Variants in FHOD3 observed in about 807,000 individuals in gnomAD.
The protein encoded by FHOD3 is formin homology 2 domain containing 3.
A neutral mutation model predicts 173.0 loss-of-function variants in FHOD3; 90 were observed. That is an observed-to-expected ratio of 0.52 (90% CI 0.44 to 0.62). FHOD3 has a LOEUF of 0.62. Among genes scored for constraint, FHOD3 ranks in the 20% least tolerant of loss-of-function variants. The probability of loss-of-function intolerance (pLI) is 0.00; values close to 1 mark genes in which losing one functional copy is unlikely to be tolerated. For synonymous variants in FHOD3, 828 were observed against 823.0 expected (o/e 1.01, Z -0.10); for missense variants, 1,945 against 2,034.7 (o/e 0.96, Z 0.85).
chr18:36,619,570 T>A (rs984267758), intron 9 of FHOD3, among the ~76,000 whole-genome samples: 1 of 152,250 alleles, frequency 6.6e-6, no homozygotes, highest in African/African-American at 2.4e-5. Flanking sequence ...CATCGTTTCT[T>A]GCCTGAAGTA....
intron 3 of FHOD3, among the ~76,000 whole-genome samples, chr18:36,452,328 T>C (rs999949499): frequency 1.3e-5 from 2 of 152,228 alleles, no homozygotes; most frequent in Admixed American, 1.3e-4. Flanking sequence ...CTTGGAATTA[T>C]TCATTTGTTG....
At position 36,628,501 on chromosome 18, in the gene FHOD3, A is replaced by G. The variant is rs146642841; in HGVS notation, c.1196+2752A>G. Among the ~76,000 whole-genome samples, 55 of 152,342 alleles carry G rather than the reference A, an allele frequency of 3.6e-4. No individual in the cohort carries two copies. In the East Asian group the frequency reaches 9.8e-3, roughly 27 times the overall value. ...GTCTCCCTGTAGACTTAAGCCAGCT[A>G]TGTGCTTTAATTCTAATAAAGACTA... On this transcript the variant is annotated intron_variant, in intron 10 of 28. Coordinates refer to ENST00000590592, the MANE Select transcript of FHOD3 (RefSeq NM_001281740.3).
intron 5 of FHOD3, among the ~76,000 whole-genome samples, chr18:36,556,114 T>C (rs2057870407): frequency 6.6e-6 from 1 of 152,198 alleles, no homozygotes; most frequent in Non-Finnish European, 1.5e-5. Context: ...TGTTACATTT[T>C]CCTCTTTTTC....
chr18:36,373,289 G>A (rs2047280574), intron 3 of FHOD3, among the ~76,000 whole-genome samples: 1 of 152,108 alleles, frequency 6.6e-6, no homozygotes, highest in Non-Finnish European at 1.5e-5. Context: ...AGAATATAAT[G>A]TCATAAGAAG....
intron 7 of FHOD3, among the ~76,000 whole-genome samples, chr18:36,599,684 T>C (rs1317173900): frequency 6.6e-6 from 1 of 152,186 alleles, no homozygotes; most frequent in East Asian, 1.9e-4. Flanking sequence ...GGGAGAAGTA[T>C]TGAGCAATTG....
At chr18:36,415,469 T>A (rs946126205) in intron 3 of FHOD3, among the ~76,000 whole-genome samples, 23 of 152,202 alleles carry the variant, frequency 1.5e-4, no homozygotes, top group African/African-American at 5.5e-4. Context: ...TGTGACTTCT[T>A]AAAACCTTGT....
chr18:36,541,206 G>A (rs1018483819), intron 5 of FHOD3, among the ~76,000 whole-genome samples: 4 of 132,576 alleles, frequency 3.0e-5, no homozygotes, highest in Non-Finnish European at 4.6e-5. Flanking sequence ...AGCCAAGATC[G>A]CACCACTGCA....
intron 3 of FHOD3, among the ~76,000 whole-genome samples, chr18:36,396,053 T>A (rs1324439274): frequency 1.3e-5 from 2 of 152,230 alleles, no homozygotes; most frequent in Admixed American, 1.3e-4. Flanking sequence ...CCATGTATAA[T>A]ATCCTTGGCC....
intron 5 of FHOD3, among the ~76,000 whole-genome samples, chr18:36,549,909 T>C (rs2057573930): frequency 6.6e-6 from 1 of 151,924 alleles, no homozygotes; most frequent in Non-Finnish European, 1.5e-5. Context: ...CCCATTTTTT[T>C]TTCTAGAAGG....
chr18:36,711,509 C>G (rs2040171140), intron 18 of FHOD3: 2 of 152,188 alleles, frequency 1.3e-5, no homozygotes, highest in South Asian at 4.1e-4. Context: ...ACTTGAATGT[C>G]AGCTTTGTGA....
intron 14 of FHOD3, among the ~76,000 whole-genome samples, chr18:36,661,625 T>C (rs1271084074): frequency 6.6e-6 from 1 of 152,168 alleles, no homozygotes; most frequent in Non-Finnish European, 1.5e-5. Context: ...TTCAGGCACC[T>C]CGGCCCACTT....
In FHOD3 at chr18:36,718,347, G is replaced by T; in HGVS notation, c.3049G>T (p.Glu1017Ter). The T allele has an allele frequency of 6.2e-7, 1 of 1,612,758 alleles. No individual in the cohort carries two copies. Among genetic ancestry groups the T allele is most frequent in the East Asian group, 2.2e-5 (1 of 44,836 alleles). Residue 1017 changes from glutamate (E) to a stop codon, truncating the protein, a stop_gained, in exon 19 of 29, where the codon GAG becomes TAG. Coordinates refer to ENST00000590592, the MANE Select transcript of FHOD3 (RefSeq NM_001281740.3). LOFTEE classifies it high-confidence loss of function. ...CCTAGATGTGGACCTGGGTCACAGGGAGGCCCCTGGGCCACCTCCCCCACC... is the reference window on the plus strand; with the variant it reads ...CCTAGATGTGGACCTGGGTCACAGGTAGGCCCCTGGGCCACCTCCCCCACC... ...DVLDVDLGHR[E>*]APGPPPPPPP...
In FHOD3 at chr18:36,406,080, T is replaced by G. The variant is rs1311889513; in HGVS notation, c.337+33336T>G. Among the ~76,000 whole-genome samples, 6 of 138,340 alleles carry G rather than the reference T, an allele frequency of 4.3e-5. No homozygotes were observed. In the East Asian group the frequency reaches 1.3e-3, roughly 29 times the overall value. 90.8% of individuals were successfully genotyped at this position (138,340 alleles called of 152,430 possible). ...GTTCACATTGTGGCCTTGCCTGTTT[T>G]TTGTTTTTGTTTTTGTTTTTTTGTT... On this transcript the variant is annotated intron_variant, in intron 3 of 28. Transcript: ENST00000590592.
At chr18:36,553,215 A>G (rs1257684840) in intron 5 of FHOD3, among the ~76,000 whole-genome samples, 9 of 152,168 alleles carry the variant, frequency 5.9e-5, no homozygotes, top group East Asian at 1.9e-4. Context: ...GCTGGATTCG[A>G]TTTGCCAGTA....
chr18:36,550,107 A>G (rs970630343), intron 5 of FHOD3, among the ~76,000 whole-genome samples: 1 of 151,664 alleles, frequency 6.6e-6, no homozygotes, highest in African/African-American at 2.4e-5. Context: ...TAGTTTCCTT[A>G]GTATCTAGAG....
intron 3 of FHOD3, among the ~76,000 whole-genome samples, chr18:36,461,635 T>G (rs1156270054): frequency 6.6e-6 from 1 of 152,134 alleles, no homozygotes; most frequent in Non-Finnish European, 1.5e-5. Context: ...TAAATTTGCT[T>G]TTGTGGGCTA....
chr18:36,735,452 C>G (rs1206962402), intron 20 of FHOD3, among the ~76,000 whole-genome samples: 1 of 152,166 alleles, frequency 6.6e-6, no homozygotes, highest in African/African-American at 2.4e-5. Context: ...ATTTGAATCC[C>G]TATGAACTAT....
At chr18:36,327,479 CA>C (rs2044732568) in intron 1 of FHOD3, among the ~76,000 whole-genome samples, 1 of 152,262 alleles carries the variant, frequency 6.6e-6, no homozygotes, top group Non-Finnish European at 1.5e-5. Context: ...GTTTTACCTA[CA>C]AAATCTCAAC....
intron 5 of FHOD3, among the ~76,000 whole-genome samples, chr18:36,540,192 C>T (rs10502661): frequency 0.066 from 10,010 of 152,228 alleles, 526 homozygotes; most frequent in South Asian, 0.22. Flanking sequence ...AGCCAGGTTC[C>T]AATTATGGTG....
Sources: gnomAD v4.1 joint callset for allele counts (sites outside exome capture counted in the v4.1 genomes callset) on GRCh38, gnomAD v4.1.1 for gene constraint, MANE v1.5 for transcripts, NCBI Gene and HGNC (gene_info 2026-07-23, HGNC 2026-07-21) for gene names.